Variants in ARHGAP6 observed in about 807,000 individuals in gnomAD.
The protein encoded by ARHGAP6 is Rho GTPase activating protein 6.
In ARHGAP6, 16 loss-of-function variants were observed where a neutral mutation model predicts 55.7. The ratio of observed to expected loss-of-function variants is 0.29; its 90% CI spans 0.19 to 0.44. The LOEUF (loss-of-function observed/expected upper bound fraction) is 0.44. Among genes scored for constraint, ARHGAP6 ranks in the 20% least tolerant of loss-of-function variants. The pLI is 1.00. For synonymous variants in ARHGAP6, 382 were observed against 360.9 expected, an observed-to-expected ratio of 1.06 and a Z score of -0.66; for missense variants, 698 against 808.9, an observed-to-expected ratio of 0.86 and a Z score of 1.66.
chrX:11,202,799 C>CAAAAAAAAAAA (rs776633959), intron 2 of ARHGAP6, among the ~76,000 whole-genome samples: 10 of 9,453 alleles, frequency 1.1e-3, no homozygotes, highest in Non-Finnish European at 1.2e-3. Flanking sequence ...GACTCCGTCT[C>CAAAAAAAAAAA]AAAAAAAAAA....
In ARHGAP6 at chrX:11,323,188, T is replaced by C. The variant is rs61029611; in HGVS notation, c.589-68481A>G. 6.3e-3 allele frequency among the ~76,000 whole-genome samples: 704 copies of C among 112,495 alleles called. 6 individuals are homozygous for C. The highest frequency in any genetic ancestry group is 0.022 in the African/African-American group (667 of 31,010). ...ACCATACAAGTCATACTTTTGTCCT[T>C]AAAACTTATCTTAGTCAAACACGCT... On this transcript the variant is annotated intron_variant, in intron 1 of 12. Transcript: ENST00000337414.
chrX:11,537,019 G>A (rs981713658), intron 1 of ARHGAP6, among the ~76,000 whole-genome samples: 1 of 112,133 alleles, frequency 8.9e-6, no homozygotes, highest in African/African-American at 3.2e-5. Flanking sequence ...TTCCACACAT[G>A]ATGAAAACTG....
chrX:11,142,372 A>G, intron 11 of ARHGAP6, 59 bp from the exon 12 acceptor site: 1 of 811,411 alleles, frequency 1.2e-6, no homozygotes, highest in Non-Finnish European at 1.8e-6. Context: ...AAATCAATGA[A>G]CATTTTAATA....
At chrX:11,549,290 T>C (rs1205441401) in intron 1 of ARHGAP6, among the ~76,000 whole-genome samples, 2 of 111,811 alleles carry the variant, frequency 1.8e-5, no homozygotes, top group Admixed American at 9.5e-5. Context: ...AAGGGAACTA[T>C]AATAAACTAA....
At chrX:11,655,725 C>A (rs187066141) in intron 1 of ARHGAP6, among the ~76,000 whole-genome samples, 3 of 112,313 alleles carry the variant, frequency 2.7e-5, no homozygotes, top group East Asian at 5.6e-4. Context: ...AACATAGTTA[C>A]AATCACAGTC....
intron 1 of ARHGAP6, among the ~76,000 whole-genome samples, chrX:11,655,678 C>A (rs999057200): frequency 2.7e-5 from 3 of 112,039 alleles, no homozygotes; most frequent in African/African-American, 9.7e-5. Context: ...TTCATTTTTT[C>A]ACACATTACA....
chrX:11,541,053 T>C (rs193215103), intron 1 of ARHGAP6, among the ~76,000 whole-genome samples: 1 of 112,415 alleles, frequency 8.9e-6, no homozygotes, highest in East Asian at 2.8e-4. Flanking sequence ...ATGTAAGTTT[T>C]GTTATTATTC....
intron 1 of ARHGAP6, among the ~76,000 whole-genome samples, chrX:11,660,569 A>C (rs113647720): frequency 2.8e-4 from 24 of 84,605 alleles, no homozygotes; most frequent in African/African-American, 8.7e-4. Flanking sequence ...AAAAAAAAAA[A>C]AAAAAAAAAC....
chrX:11,614,799 C>T (rs904365345), intron 1 of ARHGAP6, among the ~76,000 whole-genome samples: 2 of 111,868 alleles, frequency 1.8e-5, no homozygotes, highest in Admixed American at 9.4e-5. Flanking sequence ...GCGAAGAAAA[C>T]GTATTATTTT....
intron 2 of ARHGAP6, among the ~76,000 whole-genome samples, chrX:11,228,354 C>T (rs761556392): frequency 9.0e-6 from 1 of 111,723 alleles, no homozygotes; most frequent in Non-Finnish European, 1.9e-5. Flanking sequence ...ATTTGGAGCT[C>T]CATGTATTGA....
At chrX:11,353,689 T>A (rs1334574102) in intron 1 of ARHGAP6, among the ~76,000 whole-genome samples, 2 of 109,328 alleles carry the variant, frequency 1.8e-5, no homozygotes, top group Non-Finnish European at 3.8e-5. Context: ...GATAAGGAGT[T>A]TGAAATTAGA....
At chrX:11,460,062 G>A (rs747631557) in intron 1 of ARHGAP6, among the ~76,000 whole-genome samples, 1 of 111,860 alleles carries the variant, frequency 8.9e-6, no homozygotes, top group East Asian at 2.8e-4. Context: ...CTGGGAATAT[G>A]ATGGAACAGT....
At chrX:11,276,625 G>A (rs957492884) in intron 1 of ARHGAP6, among the ~76,000 whole-genome samples, 1 of 111,600 alleles carries the variant, frequency 9.0e-6, no homozygotes, top group Non-Finnish European at 1.9e-5. Context: ...CCAAATGCAG[G>A]TATGACGTGA....
intron 1 of ARHGAP6, among the ~76,000 whole-genome samples, chrX:11,271,243 T>C (rs1040542174): frequency 1.8e-5 from 2 of 111,953 alleles, no homozygotes; most frequent in African/African-American, 6.5e-5. Flanking sequence ...GCTGAAGTAC[T>C]GTCACCTCAA....
chrX:11,320,636 C>T (rs1355952514), intron 1 of ARHGAP6, among the ~76,000 whole-genome samples: 1 of 110,418 alleles, frequency 9.1e-6, no homozygotes, highest in Non-Finnish European at 1.9e-5. Flanking sequence ...AAATTACAGC[C>T]ACCTACAACC....
chrX:11,356,598 T>C (rs1031007148), intron 1 of ARHGAP6, among the ~76,000 whole-genome samples: 1 of 111,471 alleles, frequency 9.0e-6, no homozygotes, highest in Non-Finnish European at 1.9e-5. Context: ...CACAGTAGTA[T>C]GTCAATGTGG....
intron 1 of ARHGAP6, among the ~76,000 whole-genome samples, chrX:11,627,661 G>T (rs1477075882): frequency 1.8e-5 from 2 of 111,487 alleles, no homozygotes; most frequent in African/African-American, 6.5e-5. Context: ...TCTTAGCTTT[G>T]CCCTTATTGT....
chrX:11,506,689 G>T (rs890060164), intron 1 of ARHGAP6, among the ~76,000 whole-genome samples: 2 of 111,540 alleles, frequency 1.8e-5, no homozygotes, highest in Non-Finnish European at 3.8e-5. Context: ...GAATAGTGCC[G>T]CAATAAACAT....
intron 1 of ARHGAP6, among the ~76,000 whole-genome samples, chrX:11,349,050 T>A (rs2048823168): frequency 9.1e-6 from 1 of 110,443 alleles, no homozygotes. Flanking sequence ...CCTGTTTTTT[T>A]TTTTTTTTGG....
Sources: allele counts gnomAD v4.1 joint callset (sites outside exome capture counted in the v4.1 genomes callset), GRCh38; gene constraint gnomAD v4.1.1; transcripts MANE v1.5; gene names NCBI Gene and HGNC (gene_info 2026-07-23, HGNC 2026-07-21).